The following ABCC1 variants were observed in gnomAD, a reference collection of about 807,000 sequenced individuals.
ABCC1 encodes ATP binding cassette subfamily C member 1 (ABCC1 blood group).
In ABCC1, 83 loss-of-function variants were observed where a neutral mutation model predicts 172.9. The ratio of observed to expected loss-of-function variants is 0.48; its 90% CI spans 0.40 to 0.58. The LOEUF is 0.58. ABCC1 is among the 20% of genes least tolerant of loss of function. ABCC1 has a pLI of 0.00. For synonymous variants in ABCC1, 937 were observed against 825.2 expected, an observed-to-expected ratio of 1.14 and a Z score of -2.32; for missense variants, 1,817 against 2,002.7, an observed-to-expected ratio of 0.91 and a Z score of 1.77.
In ABCC1 at chr16:15,992,288, G is replaced by A. The variant is rs188789320; in HGVS notation, c.49-15528G>A. Among the ~76,000 whole-genome samples the A allele has an allele frequency of 3.3e-5, 5 of 152,202 alleles. No individual in the cohort carries two copies. In the East Asian group the frequency reaches 7.7e-4, roughly 24 times the overall value. ...TAATTATTTCATTATATATGACAAT[G>A]TAATCATAGAAATAAAGTGCACAAT... On this transcript the variant is annotated intron_variant, in intron 1 of 30. Coordinates refer to ENST00000399410, the MANE Select transcript of ABCC1 (RefSeq NM_004996.4).
chr16:16,045,000 T>C (rs1262563624), intron 8 of ABCC1, among the ~76,000 whole-genome samples: 3 of 152,056 alleles, frequency 2.0e-5, no homozygotes, highest in African/African-American at 7.2e-5. Flanking sequence ...GACCACATCG[T>C]TTGCAAGTAA....
In ABCC1 at chr16:16,007,973, C is replaced by G; in HGVS notation, c.206C>G (p.Pro69Arg). The G allele has an allele frequency of 6.3e-7, 1 of 1,590,498 alleles. No individual in the cohort carries two copies. The highest frequency in any genetic ancestry group is 1.1e-5 in the South Asian group (1 of 87,824). Residue 69 changes from proline (P) to arginine (R), a missense_variant, in exon 2 of 31, where the codon CCT (proline) becomes CGT (arginine). By Grantham distance (103) the Pro-to-Arg change is moderately radical (BLOSUM62 -2). This residue lies in a region of ABCC1 where 398 missense variants were observed against 384.2 expected (regional missense o/e 1.04). Transcript: ENST00000399410. ...RHDRGYIQMT[P>R]LNKTKTALGF... is the part of the protein sequence containing the mutation. ...GACCGAGGCTACATTCAGATGACAC[C>G]TCTCAACAAAACCAAAACTGTAAGT...
intron 19 of ABCC1, among the ~76,000 whole-genome samples, chr16:16,094,880 C>T (rs996217436): frequency 2.1e-5 from 3 of 145,334 alleles, no homozygotes; most frequent in South Asian, 2.2e-4. Context: ...TGTAGTGGCA[C>T]GATCTTGGCT....
chr16:15,988,949 G>C (rs1450076093), intron 1 of ABCC1, among the ~76,000 whole-genome samples: 1 of 150,968 alleles, frequency 6.6e-6, no homozygotes, highest in Non-Finnish European at 1.5e-5. Flanking sequence ...TGCACCTCTA[G>C]TCCCAGCTAC....
At chr16:16,115,182 TG>T in intron 23 of ABCC1, 106 bp downstream of exon 23, 1 of 1,240,078 alleles carries the variant, frequency 8.1e-7, no homozygotes, top group Non-Finnish European at 1.1e-6. Flanking sequence ...GTGGTGCTTT[TG>T]AAGCATGTAG....
intron 1 of ABCC1, among the ~76,000 whole-genome samples, chr16:15,953,809 A>G (rs1472253894): frequency 6.6e-6 from 1 of 152,102 alleles, no homozygotes; most frequent in Non-Finnish European, 1.5e-5. Context: ...CCAAGGAAGA[A>G]TATCTTAGAA....
chr16:16,084,179 T>C (rs1357127934), intron 17 of ABCC1, among the ~76,000 whole-genome samples: 2 of 152,176 alleles, frequency 1.3e-5, no homozygotes, highest in East Asian at 1.9e-4. Flanking sequence ...CTCAGCTCAC[T>C]GCAACCTCTG....
intron 28 of ABCC1, among the ~76,000 whole-genome samples, chr16:16,136,240 T>C (rs2045912623): frequency 6.6e-6 from 1 of 152,098 alleles, no homozygotes; most frequent in African/African-American, 2.4e-5. Context: ...GCCAGGCTGG[T>C]CTCGAACTCC....
chr16:16,007,785 G>C (rs201327437), intron 1 of ABCC1, 31 bp from the exon 2 acceptor site: 24 of 1,589,066 alleles, frequency 1.5e-5, no homozygotes, highest in Middle Eastern at 1.7e-4. Flanking sequence ...GGTGTGTCCT[G>C]CTGACCCCTC....
At chr16:15,960,581 A>G (rs1390176945) in intron 1 of ABCC1, among the ~76,000 whole-genome samples, 1 of 152,096 alleles carries the variant, frequency 6.6e-6, no homozygotes, top group Non-Finnish European at 1.5e-5. Flanking sequence ...GATGCTGGCA[A>G]GTGCTGCAAA....
At chr16:16,116,086 A>C (rs934833334) in intron 23 of ABCC1, among the ~76,000 whole-genome samples, 1 of 151,698 alleles carries the variant, frequency 6.6e-6, no homozygotes, top group Non-Finnish European at 1.5e-5. Context: ...TTGTATTTTC[A>C]GTAGAGACAA....
At chr16:16,040,873 A>AC (rs1418360905) in intron 7 of ABCC1, among the ~76,000 whole-genome samples, 2 of 152,184 alleles carry the variant, frequency 1.3e-5, no homozygotes, top group Admixed American at 1.3e-4. Context: ...CAGGGTGGGA[A>AC]CCTCAAGGGC....
At chr16:16,055,663 G>T (rs2049619158) in intron 11 of ABCC1, among the ~76,000 whole-genome samples, 1 of 152,122 alleles carries the variant, frequency 6.6e-6, no homozygotes, top group African/African-American at 2.4e-5. Context: ...CACCTGAAGG[G>T]TTTTTCTTGC....
chr16:16,045,974 G>A lies in ABCC1; in HGVS notation c.1179G>A (p.Met393Ile). The A allele has an allele frequency of 6.2e-7, 1 of 1,614,196 alleles. No homozygotes were observed. The change falls in exon 9 of 31, where the codon ATG (methionine) becomes ATA (isoleucine). Residue 393 changes from methionine to isoleucine, a missense_variant. Met to Ile is a conservative substitution (Grantham distance 10, BLOSUM62 1). Coordinates refer to ENST00000399410, the MANE Select transcript of ABCC1 (RefSeq NM_004996.4). ...QYFHICFVSG[M>I]RIKTAVIGAV... ...TCCACATCTGCTTCGTCAGTGGCAT[G>A]AGGATCAAGACCGCTGTCATTGGGG...
chr16:16,065,166 AG>A (rs1362590769), intron 12 of ABCC1, among the ~76,000 whole-genome samples: 12 of 152,126 alleles, frequency 7.9e-5, no homozygotes, highest in Non-Finnish European at 1.6e-4. Flanking sequence ...AATGAGGTAC[AG>A]GGAAGGGACT....
intron 22 of ABCC1, among the ~76,000 whole-genome samples, chr16:16,114,378 C>T (rs1006643288): frequency 4.8e-4 from 73 of 150,902 alleles, no homozygotes; most frequent in Non-Finnish European, 8.8e-4. Context: ...CTCATTCTGT[C>T]GCCCATGTTG....
intron 19 of ABCC1, among the ~76,000 whole-genome samples, chr16:16,095,699 G>GT (rs1358169337): frequency 2.0e-5 from 3 of 152,084 alleles, no homozygotes; most frequent in Non-Finnish European, 1.5e-5. Context: ...ATATTTTTAT[G>GT]TTTTTTTATG....
intron 19 of ABCC1, among the ~76,000 whole-genome samples, chr16:16,093,979 C>CTTTTTTTT (rs578261751): frequency 2.8e-5 from 3 of 106,614 alleles, no homozygotes; most frequent in Admixed American, 1.0e-4. Flanking sequence ...TCCCTCTCTC[C>CTTTTTTTT]TTTTTTTTTT....
intron 21 of ABCC1, among the ~76,000 whole-genome samples, chr16:16,108,570 C>T (rs545905132): frequency 6.8e-4 from 102 of 149,152 alleles, no homozygotes; most frequent in Non-Finnish European, 1.3e-3. Flanking sequence ...CCACTGCGCC[C>T]GGCCTTTTTT....
Sources: allele counts gnomAD v4.1 joint callset (sites outside exome capture counted in the v4.1 genomes callset), GRCh38; gene constraint gnomAD v4.1.1; regional missense constraint gnomAD v4.1.1; transcripts MANE v1.5; gene names NCBI Gene and HGNC (gene_info 2026-07-23, HGNC 2026-07-21).